IP6K1: variants seen among roughly 807,000 people sequenced by gnomAD.
IP6K1 encodes the protein ATP:1D-myo-inositol-hexakisphosphate phosphotransferase.
A neutral mutation model predicts 38.3 loss-of-function variants in IP6K1; 13 were observed. That is an observed-to-expected ratio of 0.34 (90% CI 0.22 to 0.54). The LOEUF (loss-of-function observed/expected upper bound fraction) is 0.54. Among genes scored for constraint, IP6K1 ranks in the 20% least tolerant of loss-of-function variants. IP6K1 has a pLI of 0.92. For synonymous variants in IP6K1, 212 were observed against 229.9 expected (o/e 0.92, Z 0.70); for missense variants, 397 against 599.8 (o/e 0.66, Z 3.53).
intron 1 of IP6K1, among the ~76,000 whole-genome samples, chr3:49,768,638 C>T (rs1024297358): frequency 2.6e-5 from 4 of 151,994 alleles, no homozygotes; most frequent in African/African-American, 7.2e-5. Context: ...GCCGTGGTGG[C>T]GGGCACCTGT....
chr3:49,746,788 A>T (rs776158536), intron 2 of IP6K1, among the ~76,000 whole-genome samples: 1 of 152,258 alleles, frequency 6.6e-6, no homozygotes, highest in South Asian at 2.1e-4. Context: ...AAATGAACCA[A>T]GCCAGACACA....
At chr3:49,781,352 T>C (rs2081064077) in intron 1 of IP6K1, among the ~76,000 whole-genome samples, 1 of 152,226 alleles carries the variant, frequency 6.6e-6, no homozygotes, top group Non-Finnish European at 1.5e-5. Context: ...CGTGACCCAC[T>C]GTGCCGGCCT....
intron 1 of IP6K1, among the ~76,000 whole-genome samples, chr3:49,778,300 G>C (rs2081036623): frequency 6.6e-6 from 1 of 151,374 alleles, no homozygotes; most frequent in Non-Finnish European, 1.5e-5. Context: ...ACTCCAGCCT[G>C]GGCAACAAGA....
intron 1 of IP6K1, among the ~76,000 whole-genome samples, chr3:49,774,601 G>T (rs996253990): frequency 6.6e-6 from 1 of 152,164 alleles, no homozygotes; most frequent in African/African-American, 2.4e-5. Flanking sequence ...TACAAATTCA[G>T]CTATGCATAA....
rs1575301057 is a variant in IP6K1 at position 49,727,526 on chromosome 3, A to C, written c.922T>G (p.Phe308Val). The C allele has an allele frequency of 3.1e-6, 5 of 1,614,180 alleles. No individual in the cohort carries two copies. In the East Asian group the frequency reaches 1.1e-4, roughly 36 times the overall value. ...HNGLDLRRDL[F>V]EPILSKLRGL... ...CGCAGTTTGCTCAGGATAGGCTCAAACAGGTCACGTCGCAGGTCCAGGCCA... is the reference window on the plus strand; with the variant it reads ...CGCAGTTTGCTCAGGATAGGCTCAACCAGGTCACGTCGCAGGTCCAGGCCA... Residue 308 changes from phenylalanine to valine, a missense_variant, in exon 6 of 6, where the codon TTT becomes GTT. This residue lies in a region of IP6K1 where 164 missense variants were observed against 213.5 expected (regional missense o/e 0.77). Coordinates refer to ENST00000321599, the MANE Select transcript of IP6K1 (RefSeq NM_153273.4). The surrounding 1 kb of genome is among the most constrained non-coding windows in gnomAD (Gnocchi z 5.9).
intron 1 of IP6K1, among the ~76,000 whole-genome samples, chr3:49,782,196 A>T (rs986750067): frequency 3.3e-5 from 5 of 151,374 alleles, no homozygotes; most frequent in Non-Finnish European, 7.4e-5. Flanking sequence ...TTTGAGACGG[A>T]GTCTAGCTCT....
intron 3 of IP6K1, among the ~76,000 whole-genome samples, chr3:49,734,123 T>C (rs758451581): frequency 2.6e-5 from 4 of 152,138 alleles, no homozygotes; most frequent in Non-Finnish European, 1.5e-5. Flanking sequence ...GGGAAACAGA[T>C]AGACCATGTC....
intron 1 of IP6K1, among the ~76,000 whole-genome samples, chr3:49,769,482 T>C (rs553969765): frequency 6.6e-6 from 1 of 152,314 alleles, no homozygotes; most frequent in African/African-American, 2.4e-5. Flanking sequence ...TTTGGGATTT[T>C]TGCCAGCGAC....
intron 1 of IP6K1, among the ~76,000 whole-genome samples, chr3:49,771,819 G>A (rs1273147522): frequency 6.6e-6 from 1 of 152,092 alleles, no homozygotes; most frequent in Non-Finnish European, 1.5e-5. Flanking sequence ...TAAACAAACT[G>A]TAGTGTTAAT....
At chr3:49,734,944 C>T (rs774600488) in intron 3 of IP6K1, among the ~76,000 whole-genome samples, 3 of 152,176 alleles carry the variant, frequency 2.0e-5, no homozygotes, top group Non-Finnish European at 4.4e-5. Context: ...ACCTTCAGGG[C>T]AGGACCTTGA....
chr3:49,735,139 G>A (rs1375416865), intron 3 of IP6K1, among the ~76,000 whole-genome samples: 1 of 152,204 alleles, frequency 6.6e-6, no homozygotes, highest in Non-Finnish European at 1.5e-5. Flanking sequence ...AGGACTGCTT[G>A]AAGCCAGGAG....
At chr3:49,731,367 AT>A (rs1242740874) in intron 4 of IP6K1, among the ~76,000 whole-genome samples, 1 of 152,194 alleles carries the variant, frequency 6.6e-6, no homozygotes, top group East Asian at 1.9e-4. Context: ...CATCACTGTG[AT>A]GATGAACATT....
At chr3:49,760,327 A>C (rs1336831277) in intron 1 of IP6K1, among the ~76,000 whole-genome samples, 5 of 152,164 alleles carry the variant, frequency 3.3e-5, no homozygotes, top group Non-Finnish European at 5.9e-5. Context: ...CAACTTAGAA[A>C]AGCAGACAGG....
chr3:49,733,072 C>T (rs1443678380), intron 3 of IP6K1, 100 bp from the exon 4 acceptor site: 9 of 821,898 alleles, frequency 1.1e-5, no homozygotes, highest in Non-Finnish European at 1.9e-6. Context: ...GACAGACCCA[C>T]AGACCCTGCT....
chr3:49,748,428 T>C (rs2080743401), intron 1 of IP6K1, among the ~76,000 whole-genome samples: 1 of 152,168 alleles, frequency 6.6e-6, no homozygotes, highest in African/African-American at 2.4e-5. Context: ...CTGAGTTATC[T>C]AAAGGATTTT....
At chr3:49,754,742 A>C (rs1029887975) in intron 1 of IP6K1, among the ~76,000 whole-genome samples, 2 of 152,172 alleles carry the variant, frequency 1.3e-5, no homozygotes, top group Non-Finnish European at 2.9e-5. Flanking sequence ...CTAGGAAGGC[A>C]CTGTCTCTAC....
chr3:49,752,219 G>GTAATC (rs2080783484), intron 1 of IP6K1, among the ~76,000 whole-genome samples: 1 of 151,982 alleles, frequency 6.6e-6, no homozygotes, highest in African/African-American at 2.4e-5. Flanking sequence ...CGGGTGCAGT[G>GTAATC]CCTCACGCCT....
At chr3:49,734,973 AGTGATGTTATTCTAG>A (rs148327065) in intron 3 of IP6K1, among the ~76,000 whole-genome samples, 7,180 of 152,196 alleles carry the variant, frequency 0.047, 238 homozygotes, top group Non-Finnish European at 0.072. Flanking sequence ...ACAGGCGGAC[AGTGATGTTATTCTAG>A]GTGATGTTAT....
chr3:49,745,537 T>C (rs1002717668), intron 2 of IP6K1, among the ~76,000 whole-genome samples: 4 of 151,996 alleles, frequency 2.6e-5, no homozygotes, highest in African/African-American at 9.7e-5. Flanking sequence ...CTGGCCAATA[T>C]GGCAAAACCC....
Sources: gnomAD v4.1 joint callset for allele counts (sites outside exome capture counted in the v4.1 genomes callset) on GRCh38, gnomAD v4.1.1 for gene constraint, gnomAD v4.1.1 regional missense constraint, Gnocchi (gnomAD v3.1) non-coding constraint, MANE v1.5 for transcripts, NCBI Gene and HGNC (gene_info 2026-07-23, HGNC 2026-07-21) for gene names.